NAALADL2: variants seen among roughly 807,000 people sequenced by gnomAD.
NAALADL2 encodes N-acetylated alpha-linked acidic dipeptidase like 2.
A neutral mutation model predicts 87.2 loss-of-function variants in NAALADL2; 76 were observed. The ratio of observed to expected loss-of-function variants is 0.87; its 90% CI spans 0.72 to 1.05. The LOEUF (loss-of-function observed/expected upper bound fraction) is 1.05. NAALADL2 is among the 50% of genes least tolerant of loss of function. The pLI is 0.00. For missense variants in NAALADL2, 1,089 were observed against 945.8 expected (o/e 1.15, Z -1.99); for synonymous variants, 354 against 331.0 (o/e 1.07, Z -0.75).
At chr3:175,192,340 T>C (rs139681989) in intron 2 of NAALADL2, among the ~76,000 whole-genome samples, 3,850 of 152,216 alleles carry the variant, frequency 0.025, 67 homozygotes, top group Non-Finnish European at 0.04. Flanking sequence ...TTTTATAAGA[T>C]TCAGTGCAGT....
rs548873271 is a variant in NAALADL2, at chr3:174,480,582, A to G, written c.-184+39550A>G. On this transcript the variant is annotated intron_variant, in intron 1 of 3. Coordinates refer to the NAALADL2 transcript ENST00000434257. ...TATATTTATGTTAGTATCCCCTGTC[A>G]TCTCTGATGGTTTCTCACATCTCTC... 2.0e-5 allele frequency among the ~76,000 whole-genome samples: 3 copies of G among 152,146 alleles called. No homozygotes were observed. The South Asian group carries it at 6.2e-4, about 32-fold the overall frequency.
intron 9 of NAALADL2, among the ~76,000 whole-genome samples, chr3:175,510,215 A>T (rs554322278): frequency 6.6e-6 from 1 of 151,868 alleles, no homozygotes; most frequent in Non-Finnish European, 1.5e-5. Flanking sequence ...TCTCATGAGA[A>T]CTCACTCACT....
At chr3:175,462,449 G>T (rs983352161) in intron 6 of NAALADL2, among the ~76,000 whole-genome samples, 1 of 152,120 alleles carries the variant, frequency 6.6e-6, no homozygotes, top group Non-Finnish European at 1.5e-5. Flanking sequence ...AGTGTACCTT[G>T]AGGGAAAGAA....
chr3:174,700,774 T>C (rs1006347081), intron 2 of NAALADL2, among the ~76,000 whole-genome samples: 3 of 152,156 alleles, frequency 2.0e-5, no homozygotes, highest in African/African-American at 7.2e-5. Flanking sequence ...ATAAAACTGA[T>C]TTATATGATA....
chr3:175,574,484 A>G (rs1718565231), intron 9 of NAALADL2, among the ~76,000 whole-genome samples: 1 of 152,116 alleles, frequency 6.6e-6, no homozygotes, highest in Non-Finnish European at 1.5e-5. Flanking sequence ...GTTGTTTTCT[A>G]TGCCCCAAAC....
intron 1 of NAALADL2, among the ~76,000 whole-genome samples, chr3:174,877,883 T>G (rs756592061): frequency 1.3e-5 from 2 of 152,042 alleles, no homozygotes; most frequent in Non-Finnish European, 2.9e-5. Context: ...AGCAAATTCC[T>G]TACAAACAAT....
chr3:175,482,931 G>C (rs62287071), intron 9 of NAALADL2, among the ~76,000 whole-genome samples: 4,211 of 151,836 alleles, frequency 0.028, 83 homozygotes, highest in Non-Finnish European at 0.044. Flanking sequence ...TGTCCTATCT[G>C]CTCATTCCAA....
rs140839410 is a variant in NAALADL2, at chr3:174,995,695, C to T, written c.44-101095C>T. Among the ~76,000 whole-genome samples, 308 of 151,698 alleles carry T rather than the reference C, an allele frequency of 2.0e-3. 3 individuals carry two copies. Among genetic ancestry groups the T allele is most frequent in the African/African-American group, 7.0e-3 (288 of 41,354 alleles). On this transcript the variant is annotated intron_variant, in intron 1 of 13. Coordinates refer to ENST00000454872, the MANE Select transcript of NAALADL2 (RefSeq NM_207015.3). ...TATATTATAGAATTTTCTACCAGAA[C>T]ATCTTGCATTCATCAAGGTTGGATA...
At chr3:175,202,810 G>A (rs1740247088) in intron 2 of NAALADL2, among the ~76,000 whole-genome samples, 1 of 152,032 alleles carries the variant, frequency 6.6e-6, no homozygotes, top group Non-Finnish European at 1.5e-5. Flanking sequence ...TCTGGGGGAT[G>A]GGAGTGAGGT....
At chr3:175,675,381 ATGGT>A (rs1326881748) in intron 11 of NAALADL2, 1 of 152,192 alleles carries the variant, frequency 6.6e-6, no homozygotes, top group African/African-American at 2.4e-5. Context: ...AGTGGTACAA[ATGGT>A]CATTCTTCAT....
chr3:175,503,845 A>G (rs1729898585), intron 9 of NAALADL2, among the ~76,000 whole-genome samples: 2 of 152,236 alleles, frequency 1.3e-5, no homozygotes, highest in African/African-American at 2.4e-5. Context: ...TGTTGGATGC[A>G]TAGTTTGCAA....
At chr3:174,672,801 A>G (rs1726687632) in intron 2 of NAALADL2, among the ~76,000 whole-genome samples, 1 of 152,030 alleles carries the variant, frequency 6.6e-6, no homozygotes, top group East Asian at 1.9e-4. Context: ...AGTATGTTTG[A>G]GAAGTGGTAA....
chr3:175,399,982 A>G (rs942322289), intron 5 of NAALADL2, among the ~76,000 whole-genome samples: 1 of 152,110 alleles, frequency 6.6e-6, no homozygotes, highest in Non-Finnish European at 1.5e-5. Flanking sequence ...ATATTAATTG[A>G]TATGTTCCAG....
intron 5 of NAALADL2, among the ~76,000 whole-genome samples, chr3:175,412,767 G>A (rs1713769602): frequency 6.6e-6 from 1 of 151,192 alleles, no homozygotes; most frequent in South Asian, 2.1e-4. Context: ...TCTGTATCTT[G>A]TGTTAAATTT....
chr3:174,778,471 GTTAT>G (rs928284262), intron 3 of NAALADL2, among the ~76,000 whole-genome samples: 8 of 151,814 alleles, frequency 5.3e-5, no homozygotes, highest in Non-Finnish European at 1.0e-4. Context: ...GGGTTAGGAT[GTTAT>G]TTATTTATTT....
intron 2 of NAALADL2, among the ~76,000 whole-genome samples, chr3:174,701,335 G>C (rs543990442): frequency 6.6e-6 from 1 of 151,778 alleles, no homozygotes; most frequent in African/African-American, 2.4e-5. Context: ...AAGGGAAGGG[G>C]TGTTATGAGC....
intron 3 of NAALADL2, among the ~76,000 whole-genome samples, chr3:175,242,850 A>G (rs144861236): frequency 3.9e-4 from 59 of 152,288 alleles, no homozygotes; most frequent in Admixed American, 7.2e-4. Context: ...TTGGCTTGAT[A>G]CTGCTATAAA....
chr3:175,257,946 C>T (rs1214010829), intron 4 of NAALADL2, among the ~76,000 whole-genome samples: 1 of 151,918 alleles, frequency 6.6e-6, no homozygotes, highest in African/African-American at 2.4e-5. Flanking sequence ...CTATTATTAT[C>T]TTCAGATTAT....
intron 5 of NAALADL2, among the ~76,000 whole-genome samples, chr3:175,342,854 G>A (rs1436977486): frequency 6.6e-6 from 1 of 152,084 alleles, no homozygotes; most frequent in Non-Finnish European, 1.5e-5. Flanking sequence ...CACCCAGGGT[G>A]AGGGAAGCTG....
Sources: gnomAD v4.1 joint callset for allele counts (sites outside exome capture counted in the v4.1 genomes callset) on GRCh38, gnomAD v4.1.1 for gene constraint, MANE v1.5 for transcripts, NCBI Gene and HGNC (gene_info 2026-07-23, HGNC 2026-07-21) for gene names.